The following SLC12A4 variants were observed in gnomAD, a reference collection of about 807,000 sequenced individuals.
SLC12A4 encodes the protein electroneutral potassium-chloride cotransporter 1.
A neutral mutation model predicts 119.2 loss-of-function variants in SLC12A4; 84 were observed. That is an observed-to-expected ratio of 0.70 (90% CI 0.59 to 0.85). The LOEUF (loss-of-function observed/expected upper bound fraction) is 0.85. SLC12A4 is among the 40% of genes least tolerant of loss of function. The pLI, the probability that SLC12A4 is intolerant of heterozygous loss-of-function variation, is 0.00. For missense variants in SLC12A4, 1,298 were observed against 1,476.3 expected, an observed-to-expected ratio of 0.88 and a Z score of 1.98; for synonymous variants, 599 against 604.6, an observed-to-expected ratio of 0.99 and a Z score of 0.14.
Position 67,943,807 on chromosome 16 carries a change from G to T in SLC12A4, c.*1033C>A. On this transcript the variant is annotated 3_prime_UTR_variant, in exon 24 of 24. Coordinates refer to ENST00000316341, the MANE Select transcript of SLC12A4 (RefSeq NM_005072.5). This position sits in a 1 kb window ranked among gnomAD's most constrained non-coding sequence, Gnocchi z 4.6. ...TCATTCCTCTAAGGGACAAGCTTTT[G>T]GCCCCTCCCCACACCAGGGCAGGTA... 1.3e-6 allele frequency: 1 copy of T among 759,692 alleles called. No homozygotes were observed. Among genetic ancestry groups the T allele is most frequent in the Non-Finnish European group, 2.1e-6 (1 of 476,974 alleles). The allele number at this position is 759,692 out of a possible 1,614,324, so 47.1% of individuals were successfully genotyped here. A position where few individuals can be genotyped will look rare whatever the true frequency, so the allele number is the denominator to read the frequency against.
In SLC12A4 at chr16:67,944,442, G is replaced by T. The variant is rs1490190622; in HGVS notation, c.*398C>A. 2.0e-5 allele frequency: 25 copies of T among 1,255,594 alleles called. 1 individual carries two copies. In the Admixed American group the frequency reaches 9.4e-4, roughly 47 times the overall value. The allele number at this position is 1,255,594 out of a possible 1,614,324, so 77.8% of individuals were successfully genotyped here. On this transcript the variant is annotated 3_prime_UTR_variant, in exon 24 of 24. Coordinates refer to ENST00000316341, the MANE Select transcript of SLC12A4 (RefSeq NM_005072.5). This position sits in a 1 kb window ranked among gnomAD's most constrained non-coding sequence, Gnocchi z 6.6. ...GTAGACTGAGCCAGATCTTCCTGCA[G>T]GCAGCTGGGCTGGACTCCCTCCCTG... is the stretch of plus-strand genomic sequence containing the variant.
chr16:67,967,761 CCCTT>C (rs1484362411), intron 1 of SLC12A4, among the ~76,000 whole-genome samples: 1 of 152,182 alleles, frequency 6.6e-6, no homozygotes, highest in East Asian at 1.9e-4. Context: ...CGCCACCCCT[CCCTT>C]CACTGCTTCC....
Position 67,951,462 on chromosome 16 carries a change from C to T in SLC12A4, c.1133-158G>A. 2.5e-6 allele frequency: 2 copies of T among 802,342 alleles called. No homozygotes were observed. Among genetic ancestry groups the T allele is most frequent in the Non-Finnish European group, 3.8e-6 (2 of 520,238 alleles). 49.7% of individuals were successfully genotyped at this position (802,342 alleles called of 1,614,324 possible). A position where few individuals can be genotyped will look rare whatever the true frequency, so the allele number is the denominator to read the frequency against. On this transcript the variant is annotated intron_variant, in intron 8 of 23. Coordinates refer to ENST00000316341, the MANE Select transcript of SLC12A4 (RefSeq NM_005072.5). The surrounding 1 kb of genome is among the most constrained non-coding windows in gnomAD (Gnocchi z 5.2). ...GTCAGCCACAGGGCTACCCTGACCA[C>T]AGAGAAGGAGCTGCCCAGCTAGAAG...
intron 1 of SLC12A4, among the ~76,000 whole-genome samples, chr16:67,968,020 G>A (rs1318728681): frequency 6.6e-6 from 1 of 152,176 alleles, no homozygotes; most frequent in African/African-American, 2.4e-5. Flanking sequence ...GGAGCGGATC[G>A]TCTCAAAGGC....
intron 6 of SLC12A4, among the ~76,000 whole-genome samples, chr16:67,952,939 T>C (rs1161174545): frequency 6.7e-6 from 1 of 149,358 alleles, no homozygotes; most frequent in Non-Finnish European, 1.5e-5. Flanking sequence ...ATACAAAAAT[T>C]AGTGGTGCAA....
At chr16:67,946,138 G>A (rs751245621) in intron 19 of SLC12A4, 33 bp downstream of exon 19, 2 of 1,613,296 alleles carry the variant, frequency 1.2e-6, no homozygotes, top group East Asian at 2.2e-5. Flanking sequence ...CAAGGGCCTA[G>A]CCCCTCTCAT....
At position 67,951,698 on chromosome 16, in the gene SLC12A4, G is replaced by A. The variant is rs2029914764; in HGVS notation, c.1132+125C>T. 2.3e-6 allele frequency: 2 copies of A among 867,732 alleles called. No individual in the cohort carries two copies. Among genetic ancestry groups the A allele is most frequent in the Non-Finnish European group, 3.6e-6 (2 of 562,126 alleles). 53.8% of individuals were successfully genotyped at this position (867,732 alleles called of 1,614,324 possible). On this transcript the variant is annotated intron_variant, in intron 8 of 23. Coordinates refer to ENST00000316341, the MANE Select transcript of SLC12A4 (RefSeq NM_005072.5). The surrounding 1 kb of genome is among the most constrained non-coding windows in gnomAD (Gnocchi z 5.2). ...CCAGGAGCCAGGCTGGGAGGACACTGGGGGGCTGGGAAGGCGGCCAGTCCT... is the reference window on the plus strand; with the variant it reads ...CCAGGAGCCAGGCTGGGAGGACACTAGGGGGCTGGGAAGGCGGCCAGTCCT...
chr16:67,957,610 C>G lies in SLC12A4; in HGVS notation c.544+132G>C, dbSNP rs548227803. 270 of 982,554 alleles carry G rather than the reference C, an allele frequency of 2.7e-4. 1 individual carries two copies. The African/African-American group carries it at 3.6e-3, about 13-fold the overall frequency. 60.9% of individuals were successfully genotyped at this position (982,554 alleles called of 1,614,324 possible). ...AGGAAAGCTCCTACGTGGGCACTGT[C>G]CTGGCATCAGGGATTGGGAGCCCAC... On this transcript the variant is annotated intron_variant, in intron 5 of 23. Coordinates refer to ENST00000316341, the MANE Select transcript of SLC12A4 (RefSeq NM_005072.5).
chr16:67,953,040 G>A (rs374908439), intron 6 of SLC12A4, among the ~76,000 whole-genome samples: 1 of 152,034 alleles, frequency 6.6e-6, no homozygotes, highest in Non-Finnish European at 1.5e-5. Context: ...GGTGGTTGCA[G>A]TGAGTAGAGA....
chr16:67,946,745 G>C, intron 17 of SLC12A4, 112 bp from the exon 18 acceptor site: 1 of 1,320,554 alleles, frequency 7.6e-7, no homozygotes, highest in South Asian at 1.4e-5. Flanking sequence ...GGGCCTGGGG[G>C]CAACAAGCTG....
intron 1 of SLC12A4, 25 bp from the exon 2 acceptor site, chr16:67,963,584 G>A (rs1352732500): frequency 9.9e-6 from 15 of 1,513,300 alleles, no homozygotes; most frequent in Non-Finnish European, 1.3e-5. Context: ...GGACAATCAG[G>A]GCCTGCTTCC....
At position 67,950,593 on chromosome 16, in the gene SLC12A4, G is replaced by A. The variant is rs1259573198; in HGVS notation, c.1454+61C>T. 2.5e-6 allele frequency: 4 copies of A among 1,607,498 alleles called. No homozygotes were observed. The highest frequency in any genetic ancestry group is 2.5e-6 in the Non-Finnish European group (3 of 1,176,602). Reference sequence around the variant, plus strand: ...CTTAGGACCACCCACGGGGTTGGGAGCTGGTGTGAGGGCAGGCCAAAGCCC... The same window carrying A: ...CTTAGGACCACCCACGGGGTTGGGAACTGGTGTGAGGGCAGGCCAAAGCCC... On this transcript the variant is annotated intron_variant, in intron 11 of 23. Coordinates refer to ENST00000316341, the MANE Select transcript of SLC12A4 (RefSeq NM_005072.5). The surrounding 1 kb of genome is among the most constrained non-coding windows in gnomAD (Gnocchi z 4.3).
At chr16:67,968,324 C>T in intron 1 of SLC12A4, 115 bp downstream of exon 1, 2 of 922,598 alleles carry the variant, frequency 2.2e-6, no homozygotes, top group Non-Finnish European at 3.0e-6. Context: ...AAAGTTGAGT[C>T]CGCACCGACG....
At position 67,944,954 on chromosome 16, in the gene SLC12A4, G is replaced by A. The variant is rs764415370; in HGVS notation, c.3167-23C>T. On this transcript the variant is annotated intron_variant, in intron 23 of 23. Transcript: ENST00000316341. This position sits in a 1 kb window ranked among gnomAD's most constrained non-coding sequence, Gnocchi z 6.6. Reference sequence around the variant, plus strand: ...TGTCTGCAGGGCCTCAAGTCAAGGAGGCAACAACAGAATCAACGGGCAACC... The same window carrying A: ...TGTCTGCAGGGCCTCAAGTCAAGGAAGCAACAACAGAATCAACGGGCAACC... The A allele has an allele frequency of 1.2e-6, 2 of 1,613,112 alleles. No homozygotes were observed. Among genetic ancestry groups the A allele is most frequent in the Non-Finnish European group, 1.7e-6 (2 of 1,179,928 alleles).
intron 6 of SLC12A4, chr16:67,954,113 C>A: frequency 2.5e-6 from 1 of 398,228 alleles, no homozygotes; most frequent in Non-Finnish European, 5.1e-6. Context: ...CCTCTTCTCC[C>A]ACTGGTACGG....
chr16:67,967,252 G>T (rs920877739), intron 1 of SLC12A4, among the ~76,000 whole-genome samples: 2 of 152,222 alleles, frequency 1.3e-5, no homozygotes, highest in African/African-American at 4.8e-5. Context: ...GATCATCTCA[G>T]TCGTGTCACC....
In SLC12A4 at chr16:67,951,424, CA is replaced by C; in HGVS notation, c.1133-121del. 3.6e-6 allele frequency: 4 copies of C among 1,114,058 alleles called. No homozygotes were observed. The highest frequency in any genetic ancestry group is 3.8e-6 in the Non-Finnish European group (3 of 786,992). The allele number at this position is 1,114,058 out of a possible 1,614,324, so 69.0% of individuals were successfully genotyped here. A position where few individuals can be genotyped will look rare whatever the true frequency, so the allele number is the denominator to read the frequency against. On this transcript the variant is annotated intron_variant, in intron 8 of 23. Transcript: ENST00000316341. The surrounding 1 kb of genome is among the most constrained non-coding windows in gnomAD (Gnocchi z 5.2). ...GGGGACTCAGGGAACAGCTTCAGCC[CA>C]ATGACTGCAGCGTCAGCCACAGGGC...
chr16:67,947,977 G>C, intron 14 of SLC12A4, 84 bp downstream of exon 14: 1 of 1,510,774 alleles, frequency 6.6e-7, no homozygotes, highest in Non-Finnish European at 9.2e-7. Flanking sequence ...TGTTTCAAGA[G>C]CTCCCTACCC....
At position 67,950,411 on chromosome 16, in the gene SLC12A4, A is replaced by C; in HGVS notation, c.1537T>G (p.Phe513Val). The C allele has an allele frequency of 1.9e-6, 3 of 1,613,984 alleles. No individual in the cohort carries two copies. The highest frequency in any genetic ancestry group is 2.5e-6 in the Non-Finnish European group (3 of 1,179,986). ...TGGAGGCCAGCGCCACACGTTGAAA[A>C]GAAGGAGCCGATGACGATGACCCAG... is the stretch of plus-strand genomic sequence containing the variant. ...SPWVIVIGSF[F>V]STCGAGLQSL... Residue 513 changes from phenylalanine (F) to valine (V), a missense_variant, in exon 12 of 24, where the codon TTT (phenylalanine) becomes GTT (valine). Phe to Val is a conservative substitution (Grantham distance 50, BLOSUM62 -1). Coordinates refer to ENST00000316341, the MANE Select transcript of SLC12A4 (RefSeq NM_005072.5). The surrounding 1 kb of genome is among the most constrained non-coding windows in gnomAD (Gnocchi z 4.3).
Sources: allele counts gnomAD v4.1 joint callset (sites outside exome capture counted in the v4.1 genomes callset), GRCh38; gene constraint gnomAD v4.1.1; non-coding constraint Gnocchi (gnomAD v3.1); transcripts MANE v1.5; gene names NCBI Gene and HGNC (gene_info 2026-07-23, HGNC 2026-07-21).